METAP1: variants seen among roughly 807,000 people sequenced by gnomAD.
METAP1 encodes the protein methionine aminopeptidase 1.
A neutral mutation model predicts 53.8 loss-of-function variants in METAP1; 28 were observed. That is an observed-to-expected ratio of 0.52 (90% CI 0.39 to 0.71). The LOEUF is 0.71. METAP1 is among the 30% of genes least tolerant of loss of function. METAP1 has a pLI of 0.00. For synonymous variants in METAP1, 181 were observed against 165.7 expected (o/e 1.09, Z -0.71); for missense variants, 389 against 479.8 (o/e 0.81, Z 1.77).
In METAP1 at chr4:99,039,404, G is replaced by A. The variant is rs75845854; in HGVS notation, c.371G>A (p.Gly124Asp). The A allele has an allele frequency of 3.5e-5, 57 of 1,611,014 alleles. 1 individual carries two copies. The East Asian group carries it at 1.2e-3, about 35-fold the overall frequency. The change falls in exon 5 of 11, where the codon GGT (glycine) becomes GAT (aspartate). Residue 124 changes from glycine to aspartate, a missense_variant. By Grantham distance (94) the Gly-to-Asp change is moderately conservative (BLOSUM62 -1). Transcript: ENST00000296411. ...TCTGAATCTGAACAGGCTCTTAAAG[G>A]TACTTCTCAGATTAAATTACTCTCA... ...GMSESEQALKGTSQIKLLSSE... is the reference protein window; with the variant it reads ...GMSESEQALKDTSQIKLLSSE...
At chr4:99,030,251 G>A (rs1306331423) in intron 2 of METAP1, among the ~76,000 whole-genome samples, 7 of 152,246 alleles carry the variant, frequency 4.6e-5, no homozygotes, top group Non-Finnish European at 1.0e-4. Context: ...TCATTGATGT[G>A]TGCCTGTTTC....
At chr4:98,996,532 A>C (rs1274515662) in intron 1 of METAP1, among the ~76,000 whole-genome samples, 3 of 152,246 alleles carry the variant, frequency 2.0e-5, no homozygotes, top group Non-Finnish European at 2.9e-5. Flanking sequence ...CTTTCGGTAT[A>C]TAAAATTATT....
intron 1 of METAP1, chr4:99,023,653 A>G (rs1351271306): frequency 1.0e-6 from 1 of 985,268 alleles, no homozygotes; most frequent in African/African-American, 1.7e-5. Context: ...CTACTTTAGG[A>G]TGGTTTGGAA....
Position 98,995,750 on chromosome 4 carries a change from C to T in METAP1, c.-4C>T, listed in dbSNP as rs1427845838. The T allele has an allele frequency of 4.5e-6, 7 of 1,544,804 alleles. No homozygotes were observed. In the South Asian group the frequency reaches 6.0e-5, roughly 13 times the overall value. ...GTGAGGCGCTCTTCCAGCGGGCAGG[C>T]AGCATGGCGGCCGTGGAGACGCGGG... On this transcript the variant is annotated 5_prime_UTR_variant, in exon 1 of 11. Transcript: ENST00000296411.
At chr4:99,016,958 T>A (rs1006907553) in intron 1 of METAP1, among the ~76,000 whole-genome samples, 7 of 152,224 alleles carry the variant, frequency 4.6e-5, no homozygotes, top group African/African-American at 1.7e-4. Flanking sequence ...GTATTTTCTT[T>A]AGCCCACATT....
intron 1 of METAP1, among the ~76,000 whole-genome samples, chr4:99,000,241 G>A (rs1301876644): frequency 6.6e-6 from 1 of 152,238 alleles, no homozygotes; most frequent in Non-Finnish European, 1.5e-5. Context: ...GCATAGGGCA[G>A]TTGCTGTCTC....
intron 4 of METAP1, among the ~76,000 whole-genome samples, chr4:99,037,199 C>T (rs1255542838): frequency 6.6e-6 from 1 of 151,288 alleles, no homozygotes; most frequent in Non-Finnish European, 1.5e-5. Context: ...TATAAATGTT[C>T]TTAGTATATT....
chr4:99,003,468 T>C (rs1186115560), intron 1 of METAP1, among the ~76,000 whole-genome samples: 1 of 152,228 alleles, frequency 6.6e-6, no homozygotes, highest in Non-Finnish European at 1.5e-5. Context: ...ATTTATGTTA[T>C]TACTGATTAT....
intron 1 of METAP1, among the ~76,000 whole-genome samples, chr4:99,008,473 G>T (rs763857684): frequency 2.2e-4 from 34 of 152,294 alleles, no homozygotes; most frequent in Admixed American, 2.0e-4. Flanking sequence ...ACAGAAGTGT[G>T]TTAGGTGAAA....
chr4:99,039,279 A>T, intron 4 of METAP1, 95 bp from the exon 5 acceptor site: 1 of 677,372 alleles, frequency 1.5e-6, no homozygotes, highest in South Asian at 2.1e-5. Context: ...TGAAACAGTG[A>T]GACTACTGTT....
intron 1 of METAP1, chr4:99,026,136 C>T (rs966122095): frequency 1.4e-6 from 1 of 724,384 alleles, no homozygotes; most frequent in Non-Finnish European, 1.7e-6. Flanking sequence ...ACTGGTGCAT[C>T]CTTAACTTTG....
At chr4:99,024,222 T>C (rs562002715) in intron 1 of METAP1, among the ~76,000 whole-genome samples, 1 of 152,312 alleles carries the variant, frequency 6.6e-6, no homozygotes, top group East Asian at 1.9e-4. Context: ...ACCCCCTGCT[T>C]GCTCAATTGA....
At chr4:99,006,812 A>G (rs1315550223) in intron 1 of METAP1, among the ~76,000 whole-genome samples, 1 of 152,170 alleles carries the variant, frequency 6.6e-6, no homozygotes, top group East Asian at 1.9e-4. Context: ...TCATGATACT[A>G]GCTTCTTGAA....
intron 5 of METAP1, among the ~76,000 whole-genome samples, chr4:99,040,007 G>T (rs111584538): frequency 6.6e-6 from 1 of 152,186 alleles, no homozygotes; most frequent in African/African-American, 2.4e-5. Context: ...GATTACAGGC[G>T]TGAGCCATTG....
At chr4:99,020,427 T>C (rs1187041789) in intron 1 of METAP1, among the ~76,000 whole-genome samples, 1 of 152,136 alleles carries the variant, frequency 6.6e-6, no homozygotes, top group Non-Finnish European at 1.5e-5. Context: ...TCTACATTGT[T>C]CTATCTCTCT....
intron 6 of METAP1, among the ~76,000 whole-genome samples, chr4:99,042,772 G>A (rs949355615): frequency 1.3e-5 from 2 of 151,904 alleles, no homozygotes; most frequent in Admixed American, 1.3e-4. Context: ...ATATATATTT[G>A]TTATAGAGGT....
In METAP1 at chr4:99,045,225, G is replaced by A; in HGVS notation, c.702G>A (p.Glu234=). Residue 234 remains glutamate, a synonymous_variant, in exon 8 of 11, where the codon GAG becomes GAA. Coordinates refer to ENST00000296411, the MANE Select transcript of METAP1 (RefSeq NM_015143.3). The stretch of plus-strand genomic sequence containing the variant: ...ATGGTTATCATGGGGACCTGAATGA[G>A]ACATTTTTTGTTGGAGAAGTGGATG... The part of the protein sequence containing the change: ...YRNGYHGDLN[E]TFFVGEVDDG... 7 of 1,613,760 alleles carry A rather than the reference G, an allele frequency of 4.3e-6. No homozygotes were observed. Among genetic ancestry groups the A allele is most frequent in the Non-Finnish European group, 5.9e-6 (7 of 1,179,758 alleles).
chr4:99,026,889 AT>A, intron 1 of METAP1: 1 of 982,018 alleles, frequency 1.0e-6, no homozygotes, highest in Non-Finnish European at 1.2e-6. Context: ...TATTATGAAT[AT>A]TTTGGTTACT....
intron 8 of METAP1, among the ~76,000 whole-genome samples, chr4:99,048,462 G>C (rs1444191948): frequency 1.3e-5 from 2 of 152,108 alleles, no homozygotes; most frequent in African/African-American, 4.8e-5. Context: ...TGACCTCCCG[G>C]GTTCTAGTGA....
Sources: allele counts gnomAD v4.1 joint callset (sites outside exome capture counted in the v4.1 genomes callset), GRCh38; gene constraint gnomAD v4.1.1; transcripts MANE v1.5; gene names NCBI Gene and HGNC (gene_info 2026-07-23, HGNC 2026-07-21).